WDR44: variants seen among roughly 807,000 people sequenced by gnomAD.
WDR44 encodes WD repeat domain 44, also known as WD repeat-containing protein 44.
Under a neutral mutation model 65.7 loss-of-function variants are expected in WDR44, and 9 were observed. The observed-to-expected ratio is 0.14, with a 90% CI of 0.08 to 0.24. The LOEUF is 0.24. Among genes scored for constraint, WDR44 ranks in the 10% least tolerant of loss-of-function variants. The pLI, the probability that WDR44 is intolerant of heterozygous loss-of-function variation, is 1.00. For synonymous variants in WDR44, 220 were observed against 235.2 expected, an observed-to-expected ratio of 0.94 and a Z score of 0.59; for missense variants, 425 against 670.9, an observed-to-expected ratio of 0.63 and a Z score of 4.05.
chrX:118,369,767 G>A (rs1267063599), intron 1 of WDR44, among the ~76,000 whole-genome samples: 1 of 111,950 alleles, frequency 8.9e-6, no homozygotes. Context: ...ACGTCCAGCC[G>A]AAAATAACTT....
chrX:118,425,256 C>G (rs778028929), intron 12 of WDR44, among the ~76,000 whole-genome samples: 1 of 112,055 alleles, frequency 8.9e-6, no homozygotes, highest in Non-Finnish European at 1.9e-5. Flanking sequence ...GGCTTTTGCT[C>G]TGAGTAAGAT....
At chrX:118,398,939 A>G (rs2031557630) in intron 8 of WDR44, among the ~76,000 whole-genome samples, 1 of 111,928 alleles carries the variant, frequency 8.9e-6, no homozygotes. Flanking sequence ...AAAGCATCTG[A>G]CATACAGAAA....
intron 8 of WDR44, among the ~76,000 whole-genome samples, chrX:118,400,915 T>C (rs1205040672): frequency 3.1e-5 from 3 of 95,532 alleles, no homozygotes; most frequent in Admixed American, 1.2e-4. Flanking sequence ...TGAGAATATG[T>C]GGTGTTTGGT....
chrX:118,352,318 TTATATA>T (rs1234642278), intron 1 of WDR44, among the ~76,000 whole-genome samples: 56 of 16,852 alleles, frequency 3.3e-3, no homozygotes, highest in African/African-American at 1.0e-2. Flanking sequence ...CCCAGCTAAT[TTATATA>T]TATATATATA....
chrX:118,429,331 G>C (rs1197079532), intron 12 of WDR44, among the ~76,000 whole-genome samples: 1 of 111,585 alleles, frequency 9.0e-6, no homozygotes, highest in Admixed American at 9.6e-5. Context: ...GCTCACGCCT[G>C]TAATCCCAGC....
intron 1 of WDR44, among the ~76,000 whole-genome samples, chrX:118,352,353 T>TATATATATATATATATATATA (rs1491172810): frequency 1.3e-4 from 2 of 15,794 alleles, no homozygotes; most frequent in Non-Finnish European, 8.6e-5. Context: ...TATATATATA[T>TATATATATATATATATATATA]TTTTTTTTTT....
At chrX:118,419,284 C>T (rs900198156) in intron 12 of WDR44, among the ~76,000 whole-genome samples, 40 of 111,755 alleles carry the variant, frequency 3.6e-4, no homozygotes, top group African/African-American at 1.3e-3. Flanking sequence ...TCTGGCTGCC[C>T]TCCCGAAGGA....
At chrX:118,406,750 G>C in intron 9 of WDR44, 125 bp from the exon 10 acceptor site, 1 of 645,873 alleles carries the variant, frequency 1.5e-6, no homozygotes, top group East Asian at 3.6e-5. Flanking sequence ...TAACCAGTAT[G>C]TTATATAATA....
chrX:118,353,010 T>C (rs1361398697), intron 1 of WDR44, among the ~76,000 whole-genome samples: 2 of 112,254 alleles, frequency 1.8e-5, no homozygotes, highest in Non-Finnish European at 3.8e-5. Flanking sequence ...GTAACAAAAA[T>C]TGTAGGTACT....
At chrX:118,379,307 A>G (rs142699001) in intron 2 of WDR44, among the ~76,000 whole-genome samples, 10 of 111,302 alleles carry the variant, frequency 9.0e-5, no homozygotes, top group Non-Finnish European at 1.5e-4. Context: ...CAAACATGCT[A>G]TATTTTTTTC....
intron 1 of WDR44, among the ~76,000 whole-genome samples, chrX:118,376,376 G>C (rs979747434): frequency 8.1e-5 from 9 of 111,620 alleles, no homozygotes; most frequent in African/African-American, 2.3e-4. Context: ...AAACATGTTA[G>C]TAGGACTCAT....
At chrX:118,430,305 A>T (rs1198395382) in intron 12 of WDR44, among the ~76,000 whole-genome samples, 1 of 107,844 alleles carries the variant, frequency 9.3e-6, no homozygotes, top group African/African-American at 3.4e-5. Flanking sequence ...GCACTTTGGG[A>T]GGCCGAGGCT....
At chrX:118,349,189 T>C (rs1014840667) in intron 1 of WDR44, among the ~76,000 whole-genome samples, 4 of 111,429 alleles carry the variant, frequency 3.6e-5, no homozygotes, top group African/African-American at 1.3e-4. Context: ...ATATATGCCG[T>C]ATTTATAATG....
intron 12 of WDR44, among the ~76,000 whole-genome samples, chrX:118,411,422 T>C (rs2057011904): frequency 8.9e-6 from 1 of 112,181 alleles, no homozygotes; most frequent in Non-Finnish European, 1.9e-5. Flanking sequence ...TAACCAATTT[T>C]AAACCTATAA....
At chrX:118,369,366 T>G (rs1448587205) in intron 1 of WDR44, among the ~76,000 whole-genome samples, 1 of 107,380 alleles carries the variant, frequency 9.3e-6, no homozygotes, top group East Asian at 2.9e-4. Context: ...AGAGACGGGG[T>G]TTCACTGTGT....
intron 2 of WDR44, among the ~76,000 whole-genome samples, chrX:118,383,590 A>G (rs2056737908): frequency 8.9e-6 from 1 of 111,944 alleles, no homozygotes; most frequent in Admixed American, 9.6e-5. Flanking sequence ...AATAATTAGT[A>G]GGACAGTTGA....
chrX:118,387,053 G>A (rs752460924), intron 2 of WDR44, among the ~76,000 whole-genome samples: 10 of 108,644 alleles, frequency 9.2e-5, no homozygotes, highest in Non-Finnish European at 1.9e-4. Context: ...GTGGTGGCAC[G>A]CGCCTATAAT....
rs188638097 is a variant in WDR44 at position 118,408,769 on chromosome X, C to T, written c.1534-720C>T. 7.1e-5 allele frequency among the ~76,000 whole-genome samples: 8 copies of T among 112,002 alleles called. 1 individual carries two copies. Among genetic ancestry groups the T allele is most frequent in the African/African-American group, 2.3e-4 (7 of 30,885 alleles). On this transcript the variant is annotated intron_variant, in intron 10 of 19. Coordinates refer to ENST00000254029, the MANE Select transcript of WDR44 (RefSeq NM_019045.5). ...CACTGCCAAGGTGGGCTTTAGTCTTCCTCAGTCCTGCTCAGTTGTTAGTGC... is the reference window on the plus strand; with the variant it reads ...CACTGCCAAGGTGGGCTTTAGTCTTTCTCAGTCCTGCTCAGTTGTTAGTGC...
chrX:118,398,464 A>G lies in WDR44; in HGVS notation c.1268A>G (p.Gln423Arg). 1 of 1,198,963 alleles carries G rather than the reference A, an allele frequency of 8.3e-7. No individual in the cohort carries two copies. Among genetic ancestry groups the G allele is most frequent in the Non-Finnish European group, 1.1e-6 (1 of 885,423 alleles). ...PTDTDGGRLKQKTTQLKKFLG... is the reference protein window; with the variant it reads ...PTDTDGGRLKRKTTQLKKFLG... The stretch of plus-strand genomic sequence containing the variant: ...GATACTGATGGTGGAAGGTTAAAAC[A>G]GAAAACGTGAGTTACAGTACATCCC... The change falls in exon 8 of 20, where the codon CAG becomes CGG. Residue 423 changes from glutamine (Q) to arginine (R), a missense_variant. Transcript: ENST00000254029.
Sources: gnomAD v4.1 joint callset for allele counts (sites outside exome capture counted in the v4.1 genomes callset) on GRCh38, gnomAD v4.1.1 for gene constraint, MANE v1.5 for transcripts, NCBI Gene and HGNC (gene_info 2026-07-23, HGNC 2026-07-21) for gene names.